FNDC3A: variants seen among roughly 807,000 people sequenced by gnomAD.
FNDC3A encodes fibronectin type-III domain-containing protein 3A.
Under a neutral mutation model 148.9 loss-of-function variants are expected in FNDC3A, and 32 were observed. The observed-to-expected ratio is 0.21, with a 90% CI of 0.16 to 0.29. The LOEUF is 0.29. Ranked by LOEUF, FNDC3A falls within the 10% of genes least tolerant of loss-of-function variation. The probability of loss-of-function intolerance (pLI) is 1.00; values close to 1 mark genes in which losing one functional copy is unlikely to be tolerated. For missense variants in FNDC3A, 1,191 were observed against 1,452.8 expected (o/e 0.82, Z 2.93); for synonymous variants, 472 against 473.6 (o/e 1.00, Z 0.04).
intron 2 of FNDC3A, among the ~76,000 whole-genome samples, chr13:49,074,126 T>G (rs948476020): frequency 1.3e-5 from 2 of 152,066 alleles, no homozygotes; most frequent in Non-Finnish European, 2.9e-5. Flanking sequence ...ACAGGTGGTG[T>G]TTGGTTACAT....
chr13:49,143,884 C>T (rs1882830089), intron 7 of FNDC3A, among the ~76,000 whole-genome samples: 1 of 151,970 alleles, frequency 6.6e-6, no homozygotes, highest in African/African-American at 2.4e-5. Context: ...GTGACTCACA[C>T]CTGTAATTCC....
At chr13:49,095,121 A>G (rs139586961) in intron 3 of FNDC3A, among the ~76,000 whole-genome samples, 1,852 of 152,096 alleles carry the variant, frequency 0.012, 30 homozygotes, top group African/African-American at 0.039. Flanking sequence ...TGTTTAGTCC[A>G]ACTTTATTTA....
At chr13:49,085,899 T>G (rs185768545) in intron 3 of FNDC3A, among the ~76,000 whole-genome samples, 139 of 150,686 alleles carry the variant, frequency 9.2e-4, no homozygotes, top group African/African-American at 3.1e-3. Flanking sequence ...TTTTTTCCCC[T>G]TGAGACCAAG....
At chr13:49,095,545 A>C (rs745763092) in intron 3 of FNDC3A, 7 of 152,102 alleles carry the variant, frequency 4.6e-5, no homozygotes, top group Non-Finnish European at 8.8e-5. Context: ...TTATACCTTG[A>C]GGATTTATTT....
intron 8 of FNDC3A, among the ~76,000 whole-genome samples, chr13:49,156,595 G>C (rs546220528): frequency 9.3e-4 from 140 of 150,350 alleles, no homozygotes; most frequent in African/African-American, 3.2e-3. Flanking sequence ...CTCGTTAGTT[G>C]ATGCAGTTTC....
At chr13:49,171,835 C>T (rs1325594966) in intron 10 of FNDC3A, among the ~76,000 whole-genome samples, 1 of 152,154 alleles carries the variant, frequency 6.6e-6, no homozygotes, top group Non-Finnish European at 1.5e-5. Context: ...TTCGGAAAGA[C>T]TTGAGTAGCT....
At chr13:49,182,583 AG>A (rs1400822555) in intron 14 of FNDC3A, among the ~76,000 whole-genome samples, 6 of 152,012 alleles carry the variant, frequency 3.9e-5, no homozygotes, top group African/African-American at 1.2e-4. Flanking sequence ...GGATGTAGTA[AG>A]GCTTCTAAAG....
intron 6 of FNDC3A, 112 bp from the exon 7 acceptor site, chr13:49,138,635 A>G (rs1201909878): frequency 5.4e-6 from 3 of 560,242 alleles, no homozygotes; most frequent in African/African-American, 3.8e-5. Context: ...AATAAAAACT[A>G]GAAAATAAAA....
chr13:49,016,086 T>A (rs1266255700), intron 2 of FNDC3A, among the ~76,000 whole-genome samples: 2 of 152,222 alleles, frequency 1.3e-5, no homozygotes, highest in Non-Finnish European at 1.5e-5. Flanking sequence ...TGTCTCTGCC[T>A]GGCTTTGGTA....
At chr13:48,991,385 T>C (rs1462165742) in intron 1 of FNDC3A, among the ~76,000 whole-genome samples, 2 of 152,122 alleles carry the variant, frequency 1.3e-5, no homozygotes, top group African/African-American at 2.4e-5. Flanking sequence ...ATTATAAATA[T>C]GCATCTAGTA....
intron 1 of FNDC3A, among the ~76,000 whole-genome samples, chr13:48,984,403 C>G (rs1255309007): frequency 6.6e-6 from 1 of 151,938 alleles, no homozygotes; most frequent in Non-Finnish European, 1.5e-5. Context: ...ATAAATGGGA[C>G]CCATCAAAGG....
intron 1 of FNDC3A, among the ~76,000 whole-genome samples, chr13:48,988,480 A>G (rs1057241429): frequency 6.6e-6 from 1 of 152,182 alleles, no homozygotes; most frequent in Admixed American, 6.5e-5. Flanking sequence ...GGGTTAAACA[A>G]CCTTCTCCAG....
At chr13:49,204,129 A>T (rs1451507933) in intron 25 of FNDC3A, among the ~76,000 whole-genome samples, 1 of 152,236 alleles carries the variant, frequency 6.6e-6, no homozygotes, top group Non-Finnish European at 1.5e-5. Flanking sequence ...GACATTAGGC[A>T]TGAAGTTATA....
At chr13:49,176,188 G>A (rs185724197) in intron 13 of FNDC3A, among the ~76,000 whole-genome samples, 257 of 152,266 alleles carry the variant, frequency 1.7e-3, no homozygotes, top group Middle Eastern at 3.4e-3. Flanking sequence ...TTGGTATCAG[G>A]ATGATGCTGG....
At chr13:49,097,349 C>T (rs549422699) in intron 3 of FNDC3A, among the ~76,000 whole-genome samples, 3 of 151,504 alleles carry the variant, frequency 2.0e-5, no homozygotes, top group Admixed American at 6.6e-5. Context: ...AGGGAAAGCC[C>T]TTGCTTTTTT....
chr13:49,022,508 T>C (rs1277493859), intron 2 of FNDC3A, among the ~76,000 whole-genome samples: 1 of 152,180 alleles, frequency 6.6e-6, no homozygotes. Context: ...TACAAATTTG[T>C]AAATATATGC....
intron 23 of FNDC3A, 87 bp downstream of exon 23, chr13:49,198,661 G>C: frequency 2.8e-6 from 3 of 1,069,024 alleles, no homozygotes; most frequent in Non-Finnish European, 4.2e-6. Flanking sequence ...GCCAGGTGTG[G>C]TGGCTGACAC....
intron 4 of FNDC3A, 125 bp downstream of exon 4, chr13:49,114,856 T>C: frequency 2.7e-6 from 2 of 728,510 alleles, no homozygotes; most frequent in Non-Finnish European, 4.8e-6. Flanking sequence ...TGTGTATCTA[T>C]CATAAATCTA....
intron 23 of FNDC3A, among the ~76,000 whole-genome samples, chr13:49,199,450 C>G (rs1886322595): frequency 6.6e-6 from 1 of 151,804 alleles, no homozygotes; most frequent in Non-Finnish European, 1.5e-5. Context: ...GCCTCAGCCT[C>G]CCAAGTAGCT....
Sources: gnomAD v4.1 joint callset for allele counts (sites outside exome capture counted in the v4.1 genomes callset) on GRCh38, gnomAD v4.1.1 for gene constraint, MANE v1.5 for transcripts, NCBI Gene and HGNC (gene_info 2026-07-23, HGNC 2026-07-21) for gene names.